ALCAM: variants seen among roughly 807,000 people sequenced by gnomAD.
ALCAM encodes activated leukocyte cell adhesion molecule.
In ALCAM, 30 loss-of-function variants were observed where a neutral mutation model predicts 70.9. That is an observed-to-expected ratio of 0.42 (90% confidence interval 0.32 to 0.57). ALCAM has a LOEUF of 0.57. ALCAM is among the 20% of genes least tolerant of loss of function. ALCAM has a pLI of 0.11. For synonymous variants in ALCAM, 249 were observed against 242.5 expected (o/e 1.03, Z -0.25); for missense variants, 591 against 695.1 (o/e 0.85, Z 1.68).
In ALCAM at chr3:105,533,697, G is replaced by A. The variant is rs1352451978; in HGVS notation, c.547+7G>A. On this transcript the variant is annotated splice_region_variant and intron_variant, in intron 5 of 15. Coordinates refer to ENST00000306107, the MANE Select transcript of ALCAM (RefSeq NM_001627.4). The stretch of plus-strand genomic sequence containing the variant: ...CTACATCCCCTTGAAGGAGGTGGGT[G>A]TGAGGGCAGGAGGACAGGGAGTACA... 1 of 1,609,762 alleles carries A rather than the reference G, an allele frequency of 6.2e-7. No homozygotes were observed. Among genetic ancestry groups the A allele is most frequent in the Non-Finnish European group, 8.5e-7 (1 of 1,176,876 alleles).
chr3:105,563,698 T>A (rs1576244146), intron 14 of ALCAM, among the ~76,000 whole-genome samples: 1 of 75,736 alleles, frequency 1.3e-5, no homozygotes, highest in East Asian at 4.4e-4. Context: ...TTTTTTTTTT[T>A]GAGACGGAGT....
At chr3:105,401,411 C>T (rs1351174082) in intron 1 of ALCAM, among the ~76,000 whole-genome samples, 1 of 152,158 alleles carries the variant, frequency 6.6e-6, no homozygotes, top group Non-Finnish European at 1.5e-5. Context: ...ACAAAATGTT[C>T]AGGAGAAGAT....
chr3:105,479,689 T>G (rs1938217566), intron 1 of ALCAM, among the ~76,000 whole-genome samples: 1 of 152,226 alleles, frequency 6.6e-6, no homozygotes, highest in South Asian at 2.1e-4. Flanking sequence ...ATACTATTTA[T>G]TCTGCCTGCA....
chr3:105,525,590 A>C (rs1225555434), intron 3 of ALCAM, among the ~76,000 whole-genome samples: 1 of 152,178 alleles, frequency 6.6e-6, no homozygotes, highest in Non-Finnish European at 1.5e-5. Flanking sequence ...GGAAACCCAG[A>C]GGGCCTTCCA....
chr3:105,432,294 C>T (rs1936954105), intron 1 of ALCAM, among the ~76,000 whole-genome samples: 1 of 152,124 alleles, frequency 6.6e-6, no homozygotes, highest in South Asian at 2.1e-4. Flanking sequence ...ATAAAATCAT[C>T]TGAAATAAGT....
At chr3:105,562,308 T>C (rs532757052) in intron 14 of ALCAM, among the ~76,000 whole-genome samples, 2 of 152,360 alleles carry the variant, frequency 1.3e-5, no homozygotes, top group East Asian at 3.9e-4. Context: ...CTTTATCAGG[T>C]TGAATAACTT....
In ALCAM at chr3:105,475,790, A is replaced by G. The variant is rs1938092850; in HGVS notation, c.74-44277A>G. 2.6e-5 allele frequency among the ~76,000 whole-genome samples: 4 copies of G among 151,860 alleles called. No homozygotes were observed. In the Admixed American group the frequency reaches 2.6e-4, roughly 10 times the overall value. On this transcript the variant is annotated intron_variant, in intron 1 of 15. Coordinates refer to ENST00000306107, the MANE Select transcript of ALCAM (RefSeq NM_001627.4). ...TCTCAGGAACTTTACACGCTTGTGT[A>G]CACCCTTTCCCTCTGAACTGGATCC... is the stretch of plus-strand genomic sequence containing the variant.
intron 1 of ALCAM, among the ~76,000 whole-genome samples, chr3:105,478,001 T>G (rs1938168626): frequency 1.3e-5 from 2 of 152,110 alleles, no homozygotes; most frequent in Non-Finnish European, 1.5e-5. Context: ...ACTAGCATGG[T>G]AAATATTTTA....
At chr3:105,541,800 T>C in intron 8 of ALCAM, 35 bp downstream of exon 8, 1 of 1,608,868 alleles carries the variant, frequency 6.2e-7, no homozygotes, top group Non-Finnish European at 8.5e-7. Flanking sequence ...CAGCTTCACC[T>C]CAAAGGCTTC....
intron 1 of ALCAM, among the ~76,000 whole-genome samples, chr3:105,490,880 T>C (rs918135059): frequency 6.6e-6 from 1 of 152,174 alleles, no homozygotes; most frequent in South Asian, 2.1e-4. Flanking sequence ...GATCTACAAT[T>C]CTGAGGGCTG....
At chr3:105,533,771 A>G (rs1939902945) in intron 5 of ALCAM, 81 bp downstream of exon 5, 2 of 1,342,096 alleles carry the variant, frequency 1.5e-6, no homozygotes, top group Admixed American at 3.7e-5. Flanking sequence ...TCTTTAAACC[A>G]GTGGTCTCCA....
chr3:105,575,561 C>T lies in ALCAM; in HGVS notation c.*1110C>T, dbSNP rs987689326. 4 of 152,542 alleles carry T rather than the reference C, an allele frequency of 2.6e-5. No homozygotes were observed. The highest frequency in any genetic ancestry group is 2.1e-4 in the South Asian group (1 of 4,826). 9.4% of individuals were successfully genotyped at this position (152,542 alleles called of 1,614,324 possible). On this transcript the variant is annotated 3_prime_UTR_variant, in exon 16 of 16. Transcript: ENST00000306107. ...CTGATACATAATTTATCAAGCAGTA[C>T]ATGAAAGTGTAATAATAAAATGTCT...
At chr3:105,488,207 C>T (rs1466126987) in intron 1 of ALCAM, among the ~76,000 whole-genome samples, 1 of 152,102 alleles carries the variant, frequency 6.6e-6, no homozygotes, top group Non-Finnish European at 1.5e-5. Context: ...AGCTTGAGGC[C>T]CTCACCAGAT....
At chr3:105,437,083 G>A (rs987631492) in intron 1 of ALCAM, among the ~76,000 whole-genome samples, 7 of 152,124 alleles carry the variant, frequency 4.6e-5, no homozygotes, top group Non-Finnish European at 8.8e-5. Flanking sequence ...TAATCTGGTG[G>A]GAGAGACAGT....
intron 1 of ALCAM, among the ~76,000 whole-genome samples, chr3:105,473,886 G>GTTTTT (rs201995893): frequency 1.4e-5 from 2 of 145,202 alleles, no homozygotes; most frequent in Non-Finnish European, 1.5e-5. Flanking sequence ...GTTTTGTTTT[G>GTTTTT]TTTTTTTTTT....
intron 1 of ALCAM, among the ~76,000 whole-genome samples, chr3:105,499,008 A>AT (rs1397497279): frequency 3.3e-5 from 5 of 152,126 alleles, no homozygotes; most frequent in African/African-American, 4.8e-5. Flanking sequence ...AAAATGATGT[A>AT]TTTTTTCAGC....
intron 1 of ALCAM, among the ~76,000 whole-genome samples, chr3:105,402,416 C>T (rs1308808832): frequency 6.6e-6 from 1 of 152,140 alleles, no homozygotes; most frequent in Non-Finnish European, 1.5e-5. Context: ...ATCACTGCTG[C>T]AGGCTCCATG....
At chr3:105,512,221 G>T (rs1020501705) in intron 1 of ALCAM, among the ~76,000 whole-genome samples, 13 of 151,882 alleles carry the variant, frequency 8.6e-5, no homozygotes, top group Non-Finnish European at 1.3e-4. Flanking sequence ...ACTATTTGCA[G>T]AAAACAAATT....
At chr3:105,369,523 T>C (rs1212796141) in intron 1 of ALCAM, among the ~76,000 whole-genome samples, 1 of 152,182 alleles carries the variant, frequency 6.6e-6, no homozygotes, top group African/African-American at 2.4e-5. Context: ...TCAGTGTGTT[T>C]TGAAAGGAAA....
Sources: allele counts gnomAD v4.1 joint callset (sites outside exome capture counted in the v4.1 genomes callset), GRCh38; gene constraint gnomAD v4.1.1; transcripts MANE v1.5; gene names NCBI Gene and HGNC (gene_info 2026-07-23, HGNC 2026-07-21).